STAT2: variants seen among roughly 807,000 people sequenced by gnomAD.
STAT2 encodes signal transducer and activator of transcription 2.
STAT2 carries 51 observed loss-of-function variants against 122.3 expected under a neutral mutation model. That is an observed-to-expected ratio of 0.42 (90% confidence interval 0.33 to 0.53). The LOEUF is 0.53. Ranked by LOEUF, STAT2 falls within the 20% of genes least tolerant of loss-of-function variation. STAT2 has a pLI of 0.10. For synonymous variants in STAT2, 351 were observed against 394.9 expected (o/e 0.89, Z 1.32); for missense variants, 736 against 1,010.3 (o/e 0.73, Z 3.68).
chr12:56,355,995 G>T, intron 3 of STAT2, 137 bp downstream of exon 3: 1 of 1,338,222 alleles, frequency 7.5e-7, no homozygotes, highest in Non-Finnish European at 1.0e-6. Context: ...GATTCCCCAA[G>T]TCCAGACTCT....
Position 56,350,208 on chromosome 12 carries a change from T to G in STAT2, c.1116-18A>C, listed in dbSNP as rs756315549. The G allele has an allele frequency of 4.4e-6, 7 of 1,581,502 alleles. No individual in the cohort carries two copies. The Admixed American group carries it at 1.3e-4, about 29-fold the overall frequency. On this transcript the variant is annotated intron_variant, in intron 12 of 23. Transcript: ENST00000314128. ...TCCGGAAGCTGTTCCAGGAGGAAGA[T>G]ACATGGAGACAAGGAATGGAATTAT...
chr12:56,353,995 C>CAAAAAAAAAAAA (rs1187550270), intron 8 of STAT2, among the ~76,000 whole-genome samples: 4 of 12,774 alleles, frequency 3.1e-4, no homozygotes, highest in African/African-American at 1.3e-3. Context: ...GACTCCGTCT[C>CAAAAAAAAAAAA]AAAAAAAAAA....
rs1241661211 is a variant in STAT2, at chr12:56,351,410, G to C, written c.823C>G (p.Leu275Val). The change falls in exon 9 of 24, where the codon CTG (leucine) becomes GTG (valine). Residue 275 changes from leucine to valine, a missense_variant. Coordinates refer to ENST00000314128, the MANE Select transcript of STAT2 (RefSeq NM_005419.4). ...CTCAGTCCCTTCAGCTCCTTCAGCA[G>C]CTGCCTCAGGTGAAACAACAGCTTT... ...GAKLLFHLRQ[L>V]LKELKGLSCL... The C allele has an allele frequency of 1.9e-6, 3 of 1,613,968 alleles. No homozygotes were observed. Among genetic ancestry groups the C allele is most frequent in the African/African-American group, 2.7e-5 (2 of 74,886 alleles).
rs544601017 is a variant in STAT2, at chr12:56,351,135, T to C, written c.997A>G (p.Ile333Val). Residue 333 changes from isoleucine to valine, a missense_variant, in exon 10 of 24, where the codon ATC becomes GTC. Ile to Val is a conservative substitution (Grantham distance 29). Coordinates refer to ENST00000314128, the MANE Select transcript of STAT2 (RefSeq NM_005419.4). ...CMPQTPHRPL[I>V]LKTGSKFTVR... ...GTGAACTTGCTGCCAGTCTTGAGGA[T>C]GAGGGGTCGATGGGGAGTTTGGGGC... 6 of 1,614,094 alleles carry C rather than the reference T, an allele frequency of 3.7e-6. No homozygotes were observed. In the East Asian group the frequency reaches 1.1e-4, roughly 30 times the overall value.
chr12:56,341,977 A>C lies in STAT2; in HGVS notation c.*1412T>G, dbSNP rs1344309253. On this transcript the variant is annotated 3_prime_UTR_variant, in exon 24 of 24. Transcript: ENST00000314128. ...GACCCATTGCTTCTCCTCTGTAAAA[A>C]CACCAAACTTTATCCAATACTATAA... 1.3e-5 allele frequency: 2 copies of C among 152,160 alleles called. No homozygotes were observed. Among genetic ancestry groups the C allele is most frequent in the African/African-American group, 4.8e-5 (2 of 41,426 alleles). 9.4% of individuals were successfully genotyped at this position (152,160 alleles called of 1,614,324 possible).
chr12:56,353,695 AAATAT>A (rs1373707285), intron 8 of STAT2, among the ~76,000 whole-genome samples: 1 of 151,900 alleles, frequency 6.6e-6, no homozygotes, highest in Non-Finnish European at 1.5e-5. Context: ...TAACATGGAT[AAATAT>A]AATATACTGT....
At chr12:56,356,404 C>A (rs372436078) in intron 2 of STAT2, 37 bp downstream of exon 2, 30 of 1,610,432 alleles carry the variant, frequency 1.9e-5, no homozygotes, top group Non-Finnish European at 2.5e-5. Flanking sequence ...AGTAAGGAAC[C>A]ACCTTTTTCA....
At chr12:56,354,324 TA>T in intron 8 of STAT2, 141 bp downstream of exon 8, 1 of 1,314,306 alleles carries the variant, frequency 7.6e-7, no homozygotes, top group Non-Finnish European at 1.0e-6. Flanking sequence ...AGGAGCAGAA[TA>T]GAGCTGCAGT....
At chr12:56,355,115 G>C in intron 6 of STAT2, 161 bp downstream of exon 6, 1 of 831,804 alleles carries the variant, frequency 1.2e-6, no homozygotes, top group Admixed American at 2.5e-5. Context: ...CTCCAGCTCA[G>C]CCTCCACAAA....
At chr12:56,347,075 GC>G (rs1877598070) in intron 19 of STAT2, 120 bp from the exon 20 acceptor site, 1 of 1,435,624 alleles carries the variant, frequency 7.0e-7, no homozygotes, top group African/African-American at 1.4e-5. Flanking sequence ...TTTGGACCAA[GC>G]CCTGCCACTT....
At chr12:56,345,516 A>ATATATATATATATATATATAT (rs1877269220) in intron 22 of STAT2, among the ~76,000 whole-genome samples, 1 of 26,140 alleles carries the variant, frequency 3.8e-5, no homozygotes, top group Non-Finnish European at 6.1e-5. Context: ...AAAAAAAAAA[A>ATATATATATATATATATATAT]AAAAAAAAAT....
chr12:56,358,642 A>G (rs1347665853), intron 1 of STAT2, among the ~76,000 whole-genome samples: 1 of 152,200 alleles, frequency 6.6e-6, no homozygotes. Context: ...CCATTCTAGA[A>G]GACATCTAAA....
At position 56,350,900 on chromosome 12, in the gene STAT2, A is replaced by T. The variant is rs1438244638; in HGVS notation, c.1035-12T>A. 14 of 1,614,094 alleles carry T rather than the reference A, an allele frequency of 8.7e-6. No homozygotes were observed. In the East Asian group the frequency reaches 2.9e-4, roughly 33 times the overall value. On this transcript the variant is annotated splice_polypyrimidine_tract_variant and intron_variant, in intron 10 of 23. Coordinates refer to ENST00000314128, the MANE Select transcript of STAT2 (RefSeq NM_005419.4). ...GTCTCACCAGCAGCCTGGGGGAAGG[A>T]AGGGGGATAGGGGAAAGTGGTCAAC... is the stretch of plus-strand genomic sequence containing the variant.
At chr12:56,356,924 G>C (rs1879589125) in intron 1 of STAT2, among the ~76,000 whole-genome samples, 1 of 150,796 alleles carries the variant, frequency 6.6e-6, no homozygotes, top group Non-Finnish European at 1.5e-5. Flanking sequence ...AATCTGAAAT[G>C]GTCCAAAATC....
Position 56,348,596 on chromosome 12 carries a change from A to T in STAT2, c.1657T>A (p.Phe553Ile). The change falls in exon 19 of 24, where the codon TTC becomes ATC. Residue 553 changes from phenylalanine to isoleucine, a missense_variant. Phe to Ile is a conservative substitution (Grantham distance 21). Coordinates refer to ENST00000314128, the MANE Select transcript of STAT2 (RefSeq NM_005419.4). The part of the protein sequence containing the change: ...KRESPPGKLP[F>I]WTWLDKILEL... Reference sequence around the variant, plus strand: ...AGAATTTTGTCCAGCCATGTCCAGAATGGTAACTTGCCAGGAGGGCTCTCT... The same window carrying T: ...AGAATTTTGTCCAGCCATGTCCAGATTGGTAACTTGCCAGGAGGGCTCTCT... 1 of 1,614,156 alleles carries T rather than the reference A, an allele frequency of 6.2e-7. No homozygotes were observed. The highest frequency in any genetic ancestry group is 8.5e-7 in the Non-Finnish European group (1 of 1,180,026).
intron 6 of STAT2, 39 bp from the exon 7 acceptor site, chr12:56,354,902 C>T (rs778887372): frequency 1.9e-6 from 3 of 1,589,986 alleles, no homozygotes; most frequent in Admixed American, 1.7e-5. Context: ...GGGGTTCTTT[C>T]CTCTCCTTCC....
Position 56,346,571 on chromosome 12 carries a change from G to T in STAT2, c.1915C>A (p.Leu639Ile). 6.2e-7 allele frequency: 1 copy of T among 1,614,204 alleles called. No individual in the cohort carries two copies. Residue 639 changes from leucine (L) to isoleucine (I), a missense_variant, in exon 21 of 24, where the codon CTC becomes ATC. Leu to Ile is a conservative substitution (Grantham distance 5). Coordinates refer to ENST00000314128, the MANE Select transcript of STAT2 (RefSeq NM_005419.4). ...TGGCGGATGATTTCAGTCAGCGGGA[G>T]TGACTGCAGCACCTCCTTCGTGTAC... ...QPYTKEVLQSLPLTEIIRHYQ... is the reference protein window; with the variant it reads ...QPYTKEVLQSIPLTEIIRHYQ...
At chr12:56,347,728 CT>C (rs1401528162) in intron 19 of STAT2, among the ~76,000 whole-genome samples, 1 of 152,148 alleles carries the variant, frequency 6.6e-6, no homozygotes, top group Non-Finnish European at 1.5e-5. Flanking sequence ...TCTCAAACTC[CT>C]GACCTCAGGT....
chr12:56,349,588 C>G lies in STAT2; in HGVS notation c.1257+1G>C. 6.2e-7 allele frequency: 1 copy of G among 1,614,158 alleles called. No individual in the cohort carries two copies. Among genetic ancestry groups the G allele is most frequent in the Non-Finnish European group, 8.5e-7 (1 of 1,180,024 alleles). ...CCTCGAGTCCTCTGTCCAGATCTCA[C>G]CTTATTGCTGCCCTTTCCTGAACCA... On this transcript the variant is annotated splice_donor_variant, in intron 14 of 23. Coordinates refer to ENST00000314128, the MANE Select transcript of STAT2 (RefSeq NM_005419.4). LOFTEE classifies it high-confidence loss of function.
Sources: gnomAD v4.1 joint callset for allele counts (sites outside exome capture counted in the v4.1 genomes callset) on GRCh38, gnomAD v4.1.1 for gene constraint, MANE v1.5 for transcripts, NCBI Gene and HGNC (gene_info 2026-07-23, HGNC 2026-07-21) for gene names.